The following NOMO1 variants were observed in gnomAD, a reference collection of about 807,000 sequenced individuals.
NOMO1 encodes the protein NODAL modulator 1.
A neutral mutation model predicts 133.8 loss-of-function variants in NOMO1; 40 were observed. The observed-to-expected ratio is 0.30, with a 90% CI of 0.23 to 0.39. The LOEUF is 0.39. Among genes scored for constraint, NOMO1 ranks in the 10% least tolerant of loss-of-function variants. The pLI is 1.00. For synonymous variants in NOMO1, 236 were observed against 570.5 expected, an observed-to-expected ratio of 0.41 and a Z score of 8.36; for missense variants, 462 against 1,419.9, an observed-to-expected ratio of 0.33 and a Z score of 10.84.
At chr16:14,871,966 G>T (rs147654424) in intron 17 of NOMO1, among the ~76,000 whole-genome samples, 2 of 151,918 alleles carry the variant, frequency 1.3e-5, no homozygotes, top group African/African-American at 2.4e-5. Flanking sequence ...AGCCCTCACC[G>T]ATGGGCGTCT....
intron 23 of NOMO1, 45 bp downstream of exon 23, chr16:14,878,879 A>G: frequency 6.2e-7 from 1 of 1,601,702 alleles, no homozygotes. Flanking sequence ...TCCCTGAGAG[A>G]GAGCCAGGAT....
intron 29 of NOMO1, among the ~76,000 whole-genome samples, chr16:14,892,407 G>T (rs1057453358): frequency 2.0e-5 from 3 of 151,478 alleles, no homozygotes; most frequent in Non-Finnish European, 4.4e-5. Context: ...ACTCATCCGG[G>T]CTCAGGGACA....
Position 14,885,699 on chromosome 16 carries a change from G to A in NOMO1, c.3223-1062G>A, listed in dbSNP as rs559639443. ...TGGGGAACTCCTGCCCCATCCATGAGTGGCACAGGGGAGGGGAAGAGGCAG... is the reference window on the plus strand; with the variant it reads ...TGGGGAACTCCTGCCCCATCCATGAATGGCACAGGGGAGGGGAAGAGGCAG... On this transcript the variant is annotated intron_variant, in intron 27 of 30. Transcript: ENST00000287667. 1.3e-3 allele frequency among the ~76,000 whole-genome samples: 202 copies of A among 151,900 alleles called. 1 individual carries two copies. Among genetic ancestry groups the A allele is most frequent in the African/African-American group, 4.7e-3 (193 of 41,314 alleles).
At chr16:14,877,155 G>GT (rs758384408) in intron 22 of NOMO1, among the ~76,000 whole-genome samples, 9,906 of 117,298 alleles carry the variant, frequency 0.084, 285 homozygotes, top group Admixed American at 0.14. Flanking sequence ...ATATACTGTT[G>GT]TTTTTTTTTT....
intron 27 of NOMO1, among the ~76,000 whole-genome samples, chr16:14,885,505 C>T (rs2151010805): frequency 6.6e-6 from 1 of 152,208 alleles, no homozygotes; most frequent in Non-Finnish European, 1.5e-5. Flanking sequence ...TCTGGGGGTA[C>T]ATTGTTAAGA....
At position 14,836,577 on chromosome 16, in the gene NOMO1, C is replaced by T. The variant is rs566922248; in HGVS notation, c.166-1830C>T. Among the ~76,000 whole-genome samples the T allele has an allele frequency of 3.1e-4, 47 of 151,798 alleles. No individual in the cohort carries two copies. In the East Asian group the frequency reaches 8.3e-3, roughly 27 times the overall value. On this transcript the variant is annotated intron_variant, in intron 1 of 30. Coordinates refer to ENST00000287667, the MANE Select transcript of NOMO1 (RefSeq NM_014287.4). ...TGAGCCTCAGAGTGGTTGAGCTGTG[C>T]AGGTACATTTAGGAAATTTTCCTTG... is the stretch of plus-strand genomic sequence containing the variant.
intron 24 of NOMO1, among the ~76,000 whole-genome samples, chr16:14,880,718 AATT>A: frequency 6.6e-6 from 1 of 152,226 alleles, no homozygotes; most frequent in South Asian, 2.1e-4. Flanking sequence ...ACCTGAATTA[AATT>A]ATTAAAAGGA....
intron 9 of NOMO1, among the ~76,000 whole-genome samples, chr16:14,854,376 T>C (rs1963803828): frequency 8.1e-6 from 1 of 123,642 alleles, no homozygotes; most frequent in African/African-American, 3.0e-5. Context: ...ACTGTGTGGC[T>C]CAAGCTGGAG....
At chr16:14,861,347 CT>C (rs1435365466) in intron 11 of NOMO1, among the ~76,000 whole-genome samples, 2 of 151,652 alleles carry the variant, frequency 1.3e-5, no homozygotes, top group African/African-American at 4.9e-5. Context: ...TTCTACCACC[CT>C]TTTGGTTTAT....
At chr16:14,882,759 CCTTTCATCTGTGGCGGGGGGAA>C in intron 26 of NOMO1, 82 bp downstream of exon 26, 1 of 1,607,570 alleles carries the variant, frequency 6.2e-7, no homozygotes, top group South Asian at 1.1e-5. Context: ...TGGCTGTCTG[CCTTTCATCTGTGGCGGGGGGAA>C]CTTTCATCCT....
rs201124277 is a variant in NOMO1 at position 14,875,439 on chromosome 16, C to T, written c.2356+17C>T. ...TCAGTGGAGGTAAATGTCAACTCAG[C>T]GAGCGAATGTCACACACACCTTTGC... On this transcript the variant is annotated intron_variant, in intron 20 of 30. Transcript: ENST00000287667. 1,151 of 1,289,352 alleles carry T rather than the reference C, an allele frequency of 8.9e-4. No homozygotes were observed. Among genetic ancestry groups the T allele is most frequent in the Non-Finnish European group, 7.7e-4 (705 of 913,170 alleles). The allele number at this position is 1,289,352 out of a possible 1,614,324, so 79.9% of individuals were successfully genotyped here. A position where few individuals can be genotyped will look rare whatever the true frequency, so the allele number is the denominator to read the frequency against.
rs548360621 is a variant in NOMO1 at position 14,846,001 on chromosome 16, A to G, written c.403-576A>G. ...GCCACCTGACCCAGCTAATTTTTAT[A>G]TTTTTATTTTTATGTACATTTACTT... On this transcript the variant is annotated intron_variant, in intron 4 of 30. Coordinates refer to ENST00000287667, the MANE Select transcript of NOMO1 (RefSeq NM_014287.4). 6.9e-5 allele frequency among the ~76,000 whole-genome samples: 7 copies of G among 101,484 alleles called. No homozygotes were observed. The East Asian group carries it at 1.8e-3, about 26-fold the overall frequency. The allele number at this position is 101,484 out of a possible 152,430, so 66.6% of individuals were successfully genotyped here.
chr16:14,875,106 C>G lies in NOMO1; in HGVS notation c.2125C>G (p.Gln709Glu), dbSNP rs1215348401. ...GTCTGTGCAGGAGCTGCGGAGGGAG[C>G]AGCAGCTGGCTGAGATCGAGGCCCG... ...LKSVQELRRE[Q>E]QLAEIEARRQ... is the part of the protein sequence containing the mutation. Residue 709 changes from glutamine (Q) to glutamate (E), a missense_variant, in exon 19 of 31, where the codon CAG becomes GAG. Coordinates refer to ENST00000287667, the MANE Select transcript of NOMO1 (RefSeq NM_014287.4). The G allele has an allele frequency of 1.2e-6, 2 of 1,613,786 alleles. No individual in the cohort carries two copies. The highest frequency in any genetic ancestry group is 1.7e-6 in the Non-Finnish European group (2 of 1,179,828).
In NOMO1 at chr16:14,857,341, C is replaced by T; in HGVS notation, c.1069+19C>T. The T allele has an allele frequency of 4.6e-6, 7 of 1,536,758 alleles. No homozygotes were observed. The East Asian group carries it at 1.2e-4, about 25-fold the overall frequency. The stretch of plus-strand genomic sequence containing the variant: ...ATCAAAGGTGGGCTGACACAGCAGC[C>T]CCAGGCTGATGGCCAGCGCTCTTTT... On this transcript the variant is annotated intron_variant, in intron 10 of 30. Coordinates refer to ENST00000287667, the MANE Select transcript of NOMO1 (RefSeq NM_014287.4).
At chr16:14,847,864 T>G (rs1173438119) in intron 5 of NOMO1, among the ~76,000 whole-genome samples, 1 of 151,976 alleles carries the variant, frequency 6.6e-6, no homozygotes, top group Non-Finnish European at 1.5e-5. Flanking sequence ...TCTGCTTGAC[T>G]GGTGCCTCTC....
chr16:14,884,063 T>C (rs1964284472), intron 26 of NOMO1, among the ~76,000 whole-genome samples: 1 of 147,118 alleles, frequency 6.8e-6, no homozygotes, highest in Non-Finnish European at 1.5e-5. Context: ...ATCCTTCTCC[T>C]TTTTTTTTTA....
chr16:14,856,467 G>T (rs1963837435), intron 9 of NOMO1, among the ~76,000 whole-genome samples: 2 of 151,400 alleles, frequency 1.3e-5, no homozygotes, highest in South Asian at 4.2e-4. Flanking sequence ...CGTCACACAG[G>T]CTGGCACTGT....
intron 2 of NOMO1, 68 bp downstream of exon 2, chr16:14,838,564 A>G: frequency 1.2e-6 from 2 of 1,611,468 alleles, no homozygotes; most frequent in Non-Finnish European, 1.7e-6. Flanking sequence ...TGCATTAACC[A>G]TGCCCTTTCC....
At chr16:14,850,121 A>AG (rs1963736574) in intron 6 of NOMO1, among the ~76,000 whole-genome samples, 1 of 147,446 alleles carries the variant, frequency 6.8e-6, no homozygotes, top group Admixed American at 6.8e-5. Context: ...CCCAGGCTGG[A>AG]GTGCAATGGG....
Sources: gnomAD v4.1 joint callset for allele counts (sites outside exome capture counted in the v4.1 genomes callset) on GRCh38, gnomAD v4.1.1 for gene constraint, MANE v1.5 for transcripts, NCBI Gene and HGNC (gene_info 2026-07-23, HGNC 2026-07-21) for gene names.